TSHR: variants seen among roughly 807,000 people sequenced by gnomAD.
The protein encoded by TSHR is thyrotropin receptor.
A neutral mutation model predicts 64.1 loss-of-function variants in TSHR; 51 were observed. That is an observed-to-expected ratio of 0.80 (90% CI 0.64 to 1.01). The LOEUF is 1.01. TSHR is among the 50% of genes least tolerant of loss of function. TSHR has a pLI of 0.00. For synonymous variants in TSHR, 361 were observed against 361.9 expected, an observed-to-expected ratio of 1.00 and a Z score of 0.03; for missense variants, 877 against 942.8, an observed-to-expected ratio of 0.93 and a Z score of 0.91.
rs1414044226 is a variant in TSHR at position 81,144,151 on chromosome 14, T to C, written c.2093T>C (p.Ile698Thr). ...DVFILLSKFGICKRQAQAYRG... is the reference protein window; with the variant it reads ...DVFILLSKFGTCKRQAQAYRG... The stretch of plus-strand genomic sequence containing the variant: ...TTCATCCTACTCAGCAAGTTTGGCA[T>C]CTGTAAACGCCAGGCTCAGGCATAC... Residue 698 changes from isoleucine (I) to threonine (T), a missense_variant, in exon 10 of 10, where the codon ATC becomes ACC. Coordinates refer to ENST00000298171, the MANE Select transcript of TSHR (RefSeq NM_000369.5). The C allele has an allele frequency of 6.2e-7, 1 of 1,614,166 alleles. No individual in the cohort carries two copies. Among genetic ancestry groups the C allele is most frequent in the Admixed American group, 1.7e-5 (1 of 60,020 alleles).
intron 8 of TSHR, among the ~76,000 whole-genome samples, chr14:81,118,666 G>A (rs1890641397): frequency 6.6e-6 from 1 of 152,074 alleles, no homozygotes; most frequent in Non-Finnish European, 1.5e-5. Flanking sequence ...CACAGAATTG[G>A]AAAAAAACTA....
chr14:81,007,116 C>T (rs1339083780), intron 1 of TSHR, among the ~76,000 whole-genome samples: 1 of 152,124 alleles, frequency 6.6e-6, no homozygotes, highest in Non-Finnish European at 1.5e-5. Flanking sequence ...AGTTCTAACC[C>T]TAATGTGATG....
At chr14:80,974,257 A>C (rs1887753006) in intron 1 of TSHR, among the ~76,000 whole-genome samples, 1 of 152,230 alleles carries the variant, frequency 6.6e-6, no homozygotes, top group African/African-American at 2.4e-5. Flanking sequence ...AGGGTTGCAC[A>C]GCTTTATTAG....
In TSHR at chr14:81,010,799, A is replaced by G. The variant is rs564519344; in HGVS notation, c.171-51349A>G. Among the ~76,000 whole-genome samples the G allele has an allele frequency of 4.6e-5, 7 of 152,138 alleles. No individual in the cohort carries two copies. In the South Asian group the frequency reaches 1.5e-3, roughly 32 times the overall value. On this transcript the variant is annotated intron_variant, in intron 1 of 9. Coordinates refer to ENST00000298171, the MANE Select transcript of TSHR (RefSeq NM_000369.5). ...ATATGAAATTTGCTATATTTTTGGT[A>G]TATGGCCAAAAGATGTACATGTAAG... is the stretch of plus-strand genomic sequence containing the variant.
chr14:80,989,161 G>A (rs1009559988), intron 1 of TSHR, among the ~76,000 whole-genome samples: 4 of 152,036 alleles, frequency 2.6e-5, no homozygotes, highest in African/African-American at 9.7e-5. Flanking sequence ...TATGTTAATT[G>A]CACCTTGAAA....
intron 2 of TSHR, 21 bp from the exon 3 acceptor site, chr14:81,068,233 T>G (rs374190849): frequency 5.0e-6 from 8 of 1,610,686 alleles, no homozygotes; most frequent in Non-Finnish European, 6.8e-6. Flanking sequence ...CTACTTTGTC[T>G]TATATTTTTC....
At chr14:81,026,823 G>T (rs1960944825) in intron 1 of TSHR, among the ~76,000 whole-genome samples, 1 of 152,064 alleles carries the variant, frequency 6.6e-6, no homozygotes, top group Non-Finnish European at 1.5e-5. Context: ...ATCACCTGAG[G>T]TCAGGAGTTC....
intron 1 of TSHR, among the ~76,000 whole-genome samples, chr14:80,964,141 G>A (rs190357420): frequency 6.6e-6 from 1 of 152,138 alleles, no homozygotes; most frequent in Non-Finnish European, 1.5e-5. Flanking sequence ...CGGAGCGGGG[G>A]CGGATCACGA....
intron 1 of TSHR, among the ~76,000 whole-genome samples, chr14:81,047,614 C>T (rs115476501): frequency 0.014 from 2,199 of 151,678 alleles, 62 homozygotes; most frequent in African/African-American, 0.05. Flanking sequence ...TTGTTAAGGA[C>T]AGCTCCTTTC....
intron 1 of TSHR, among the ~76,000 whole-genome samples, chr14:80,973,118 G>T (rs11850464): frequency 0.25 from 38,068 of 151,814 alleles, 4,860 homozygotes; most frequent in Admixed American, 0.3. Context: ...AAAAATCTGC[G>T]TACTTGGCCG....
chr14:81,013,169 G>A (rs1020329447), intron 1 of TSHR: 13 of 152,280 alleles, frequency 8.5e-5, no homozygotes, highest in East Asian at 5.8e-4. Context: ...TGGCTAGCCC[G>A]TTTTCCCAGC....
At chr14:80,967,834 G>C (rs1269112076) in intron 1 of TSHR, among the ~76,000 whole-genome samples, 1 of 152,288 alleles carries the variant, frequency 6.6e-6, no homozygotes, top group South Asian at 2.1e-4. Context: ...TTGTTGGGGA[G>C]TATGATCCCA....
rs1389835298 is a variant in TSHR at position 81,139,691 on chromosome 14, A to C, written c.705A>C (p.Gln235His). The C allele has an allele frequency of 6.2e-7, 1 of 1,614,002 alleles. No homozygotes were observed. Among genetic ancestry groups the C allele is most frequent in the African/African-American group, 1.3e-5 (1 of 74,914 alleles). Reference sequence around the variant, plus strand: ...CTCTGCCTCCCAGGGACGTGTCTCAAACCAGTGTCACTGCCCTTCCATCCA... The same window carrying C: ...CTCTGCCTCCCAGGGACGTGTCTCACACCAGTGTCACTGCCCTTCCATCCA... ...YSGPSLLDVS[Q>H]TSVTALPSKG... The change falls in exon 9 of 10, where the codon CAA (glutamine) becomes CAC (histidine). Residue 235 changes from glutamine (Q) to histidine (H), a missense_variant. By Grantham distance (24) the Gln-to-His change is conservative. Coordinates refer to ENST00000298171, the MANE Select transcript of TSHR (RefSeq NM_000369.5).
chr14:81,011,256 T>C (rs1380793551), intron 1 of TSHR, among the ~76,000 whole-genome samples: 2 of 151,808 alleles, frequency 1.3e-5, no homozygotes, highest in Non-Finnish European at 2.9e-5. Flanking sequence ...AGAAAAAAAG[T>C]ATCAGGTTTT....
At chr14:81,120,282 A>C (rs1461977428) in intron 8 of TSHR, among the ~76,000 whole-genome samples, 1 of 152,176 alleles carries the variant, frequency 6.6e-6, no homozygotes, top group Non-Finnish European at 1.5e-5. Flanking sequence ...AGCTTCCCAT[A>C]GGCCTCCCTT....
intron 1 of TSHR, among the ~76,000 whole-genome samples, chr14:80,957,255 A>G (rs946528439): frequency 2.0e-5 from 3 of 152,224 alleles, no homozygotes; most frequent in South Asian, 2.1e-4. Flanking sequence ...CTCCTGACCC[A>G]TGACCTTCAG....
chr14:81,140,949 G>A (rs1393617835), intron 9 of TSHR, among the ~76,000 whole-genome samples: 2 of 152,188 alleles, frequency 1.3e-5, no homozygotes, highest in Admixed American at 6.5e-5. Flanking sequence ...GTGAAACCCC[G>A]TCTGTACTAA....
At chr14:81,092,720 A>G (rs1888850907) in intron 6 of TSHR, 112 bp downstream of exon 6, 1 of 960,560 alleles carries the variant, frequency 1.0e-6, no homozygotes, top group Non-Finnish European at 1.7e-6. Flanking sequence ...TACTCTATAG[A>G]GTACAAAGTG....
intron 1 of TSHR, among the ~76,000 whole-genome samples, chr14:80,990,799 T>C (rs1888689599): frequency 6.6e-6 from 1 of 152,092 alleles, no homozygotes; most frequent in Non-Finnish European, 1.5e-5. Flanking sequence ...GGATTACAGG[T>C]GCCCACCACC....
Sources: allele counts gnomAD v4.1 joint callset (sites outside exome capture counted in the v4.1 genomes callset), GRCh38; gene constraint gnomAD v4.1.1; transcripts MANE v1.5; gene names NCBI Gene and HGNC (gene_info 2026-07-23, HGNC 2026-07-21).